Variants in ATAD3A observed in about 807,000 individuals in gnomAD.
ATAD3A encodes ATPase family AAA domain containing 3A.
In ATAD3A, 46 loss-of-function variants were observed where a neutral mutation model predicts 73.8. The ratio of observed to expected loss-of-function variants is 0.62; its 90% CI spans 0.49 to 0.80. The LOEUF (loss-of-function observed/expected upper bound fraction) is 0.80, where lower values mean the gene tolerates loss of function less well. Ranked by LOEUF, ATAD3A falls within the 30% of genes least tolerant of loss-of-function variation. The pLI is 0.00. For synonymous variants in ATAD3A, 319 were observed against 350.0 expected (o/e 0.91, Z 0.99); for missense variants, 705 against 838.0 (o/e 0.84, Z 1.96).
rs1641211109 is a variant in ATAD3A, at chr1:1,512,166, G to T, written c.-103G>T. On this transcript the variant is annotated 5_prime_UTR_variant, in exon 1 of 16. Transcript: ENST00000378756. ...GGGTGTGTGTGGCGCCTGCGCAGTGGCGGTGACCACCGGCTCGCGGCGCGT... is the reference window on the plus strand; with the variant it reads ...GGGTGTGTGTGGCGCCTGCGCAGTGTCGGTGACCACCGGCTCGCGGCGCGT... The T allele has an allele frequency of 1.6e-6, 2 of 1,216,770 alleles. No homozygotes were observed. Among genetic ancestry groups the T allele is most frequent in the Non-Finnish European group, 2.1e-6 (2 of 974,694 alleles). The allele number at this position is 1,216,770 out of a possible 1,614,324, so 75.4% of individuals were successfully genotyped here.
Position 1,526,459 on chromosome 1 carries a change from A to G in ATAD3A, c.1267-2A>G. On this transcript the variant is annotated splice_acceptor_variant, in intron 12 of 15. Coordinates refer to ENST00000378756, the MANE Select transcript of ATAD3A (RefSeq NM_001170535.3). LOFTEE classifies it high-confidence loss of function. ...CCTAAGGCTGGAACCTTCTCTCTGC[A>G]GGAGAAGATAAGCGAGGACCTCAGG... is the stretch of plus-strand genomic sequence containing the variant. 6.2e-7 allele frequency: 1 copy of G among 1,610,956 alleles called. No individual in the cohort carries two copies. Among genetic ancestry groups the G allele is most frequent in the Non-Finnish European group, 8.5e-7 (1 of 1,178,514 alleles).
At chr1:1,529,827 C>T (rs1303456970) in intron 15 of ATAD3A, among the ~76,000 whole-genome samples, 1 of 152,216 alleles carries the variant, frequency 6.6e-6, no homozygotes, top group African/African-American at 2.4e-5. Flanking sequence ...ACCCCTCCTG[C>T]AGCTCCGTGG....
chr1:1,529,032 G>T (rs1402584570), intron 14 of ATAD3A, among the ~76,000 whole-genome samples, 191 bp from the exon 15 acceptor site: 2 of 152,250 alleles, frequency 1.3e-5, no homozygotes, highest in Non-Finnish European at 2.9e-5. Flanking sequence ...TCCAGGCCCT[G>T]CAGCCACTCC....
chr1:1,516,224 C>T (rs1165058075), intron 2 of ATAD3A, 136 bp downstream of exon 2: 28 of 1,362,880 alleles, frequency 2.1e-5, no homozygotes, highest in Middle Eastern at 2.5e-4. Context: ...CAAGCTTGGG[C>T]GCCTCATTTC....
intron 14 of ATAD3A, among the ~76,000 whole-genome samples, chr1:1,528,767 G>A (rs1005903598): frequency 1.3e-5 from 2 of 152,242 alleles, no homozygotes; most frequent in African/African-American, 4.8e-5. Flanking sequence ...AGAGAGCCTG[G>A]TTGCCGCTGC....
rs1247598185 is a variant in ATAD3A at position 1,516,997 on chromosome 1, C to T, written c.283-314C>T. ...AAAGTGCTGGGATTATAAGCGAGAG[C>T]CGTCGCACCCGGTCCACTCAGCAGG... On this transcript the variant is annotated intron_variant, in intron 2 of 15. Coordinates refer to ENST00000378756, the MANE Select transcript of ATAD3A (RefSeq NM_001170535.3). 3.9e-6 allele frequency: 5 copies of T among 1,289,258 alleles called. No individual in the cohort carries two copies. The African/African-American group carries it at 6.0e-5, about 15-fold the overall frequency. 79.9% of individuals were successfully genotyped at this position (1,289,258 alleles called of 1,614,324 possible). A position where few individuals can be genotyped will look rare whatever the true frequency, so the allele number is the denominator to read the frequency against.
intron 15 of ATAD3A, among the ~76,000 whole-genome samples, chr1:1,532,035 C>T (rs1259904871): frequency 1.3e-5 from 2 of 152,152 alleles, no homozygotes; most frequent in African/African-American, 4.8e-5. Flanking sequence ...TAGTTTCCTT[C>T]CTCCACTCGG....
rs888796743 is a variant in ATAD3A at position 1,525,235 on chromosome 1, C to T, written c.1215-5C>T. The T allele has an allele frequency of 3.7e-6, 6 of 1,613,726 alleles. No homozygotes were observed. The highest frequency in any genetic ancestry group is 5.1e-6 in the Non-Finnish European group (6 of 1,179,962). On this transcript the variant is annotated splice_polypyrimidine_tract_variant and splice_region_variant and intron_variant, in intron 11 of 15. Coordinates refer to ENST00000378756, the MANE Select transcript of ATAD3A (RefSeq NM_001170535.3). ...CGCCCTGCTTGGCCTCCCTCTCGTT[C>T]ACAGCCTCCTGCTCTTTGTGGATGA... is the stretch of plus-strand genomic sequence containing the variant.
rs965887671 is a variant in ATAD3A, at chr1:1,512,490, G to C, written c.205+17G>C. 1 of 1,180,794 alleles carries C rather than the reference G, an allele frequency of 8.5e-7. No individual in the cohort carries two copies. Among genetic ancestry groups the C allele is most frequent in the South Asian group, 3.2e-5 (1 of 31,624 alleles). The allele number at this position is 1,180,794 out of a possible 1,614,324, so 73.1% of individuals were successfully genotyped here. On this transcript the variant is annotated intron_variant, in intron 1 of 15. Coordinates refer to ENST00000378756, the MANE Select transcript of ATAD3A (RefSeq NM_001170535.3). ...AGCACTCGCGTGAGTGCGGCGGGGC[G>C]GGGCGGCGCGGGCGGGCGGGCGGGA... is the stretch of plus-strand genomic sequence containing the variant.
chr1:1,522,751 G>C lies in ATAD3A; in HGVS notation c.758G>C (p.Gly253Ala). The C allele has an allele frequency of 6.2e-7, 1 of 1,612,128 alleles. No homozygotes were observed. The highest frequency in any genetic ancestry group is 8.5e-7 in the Non-Finnish European group (1 of 1,179,752). The change falls in exon 8 of 16, where the codon GGG (glycine) becomes GCG (alanine). Residue 253 changes from glycine to alanine, a missense_variant. Around this residue, in one of 5 missense-constraint regions of ATAD3A, gnomAD observed 315 missense variants for 334.1 expected, o/e 0.94. Coordinates refer to ENST00000378756, the MANE Select transcript of ATAD3A (RefSeq NM_001170535.3). ...GCGGTGTCTCTGCTGCAGGTGGCTG[G>C]GCTGACGCTGCTGGCTGTTGGGGTC... ...DWDKVTATVA[G>A]LTLLAVGVYS... is the part of the protein sequence containing the mutation.
chr1:1,533,160 G>C (rs981290150), intron 15 of ATAD3A, among the ~76,000 whole-genome samples: 2 of 152,164 alleles, frequency 1.3e-5, no homozygotes, highest in African/African-American at 2.4e-5. Flanking sequence ...ACGGGGCGAG[G>C]GACCCACTCA....
intron 15 of ATAD3A, among the ~76,000 whole-genome samples, chr1:1,533,653 C>T (rs2889625): frequency 0.18 from 26,807 of 151,914 alleles, 4,893 homozygotes; most frequent in African/African-American, 0.44. Context: ...CCTGGGTCGG[C>T]GGTCAGTGAG....
chr1:1,518,994 G>A lies in ATAD3A; in HGVS notation c.514+4G>A. ...AAGCAGGAAGCCATGCGGCGAGGTAGGCTGTCTGCTCTCCTGGCTGGGGCG... is the reference window on the plus strand; with the variant it reads ...AAGCAGGAAGCCATGCGGCGAGGTAAGCTGTCTGCTCTCCTGGCTGGGGCG... On this transcript the variant is annotated splice_donor_region_variant and intron_variant, in intron 5 of 15. Coordinates refer to ENST00000378756, the MANE Select transcript of ATAD3A (RefSeq NM_001170535.3). 3.7e-6 allele frequency: 6 copies of A among 1,614,154 alleles called. No homozygotes were observed. Among genetic ancestry groups the A allele is most frequent in the Non-Finnish European group, 5.1e-6 (6 of 1,179,988 alleles).
intron 7 of ATAD3A, among the ~76,000 whole-genome samples, chr1:1,522,018 C>T (rs1193184874): frequency 1.3e-5 from 2 of 150,916 alleles, no homozygotes; most frequent in African/African-American, 2.4e-5. Flanking sequence ...GGTGAGCCAC[C>T]GGGCCTGGCC....
At chr1:1,525,215 T>G in intron 11 of ATAD3A, 25 bp from the exon 12 acceptor site, 1 of 1,613,234 alleles carries the variant, frequency 6.2e-7, no homozygotes, top group Non-Finnish European at 8.5e-7. Flanking sequence ...ACTCTCGCCC[T>G]GCTTGGCCTC....
At chr1:1,518,696 C>T (rs1201619669) in intron 4 of ATAD3A, among the ~76,000 whole-genome samples, 10 of 118,106 alleles carry the variant, frequency 8.5e-5, no homozygotes, top group Non-Finnish European at 1.2e-4. Context: ...CACACCCAAA[C>T]GGGTGCACAA....
chr1:1,522,577 C>T (rs545147073), intron 7 of ATAD3A, among the ~76,000 whole-genome samples, 167 bp from the exon 8 acceptor site: 3 of 152,358 alleles, frequency 2.0e-5, no homozygotes, highest in Admixed American at 6.5e-5. Flanking sequence ...CCTGTAACCG[C>T]GTGGCTGTGG....
intron 15 of ATAD3A, among the ~76,000 whole-genome samples, chr1:1,530,086 T>C (rs1214133716): frequency 6.6e-6 from 1 of 152,204 alleles, no homozygotes; most frequent in Non-Finnish European, 1.5e-5. Flanking sequence ...GATTTGAATG[T>C]TGGAGCCGGG....
intron 12 of ATAD3A, 114 bp downstream of exon 12, chr1:1,525,405 A>G: frequency 7.4e-7 from 1 of 1,355,762 alleles, no homozygotes; most frequent in South Asian, 1.3e-5. Context: ...GCTTTGTGTG[A>G]AAAACAGCTT....
Sources: allele counts gnomAD v4.1 joint callset (sites outside exome capture counted in the v4.1 genomes callset), GRCh38; gene constraint gnomAD v4.1.1; regional missense constraint gnomAD v4.1.1; transcripts MANE v1.5; gene names NCBI Gene and HGNC (gene_info 2026-07-23, HGNC 2026-07-21).